Variants in BTAF1 observed in about 807,000 individuals in gnomAD.
The protein encoded by BTAF1 is TATA-binding protein-associated factor 172.
In BTAF1, 38 loss-of-function variants were observed where a neutral mutation model predicts 227.1. The observed-to-expected ratio is 0.17, with a 90% CI of 0.13 to 0.22. The LOEUF (loss-of-function observed/expected upper bound fraction) is 0.22. BTAF1 is among the 10% of genes least tolerant of loss of function. The pLI, the probability that BTAF1 is intolerant of heterozygous loss-of-function variation, is 1.00. For missense variants in BTAF1, 1,598 were observed against 2,204.0 expected, an observed-to-expected ratio of 0.73 and a Z score of 5.51; for synonymous variants, 742 against 751.9, an observed-to-expected ratio of 0.99 and a Z score of 0.21.
intron 1 of BTAF1, among the ~76,000 whole-genome samples, chr10:91,929,954 A>G (rs1021486940): frequency 1.3e-5 from 2 of 152,200 alleles, no homozygotes; most frequent in African/African-American, 4.8e-5. Flanking sequence ...GATAAACTAG[A>G]AAAAGTAGAA....
chr10:91,973,609 T>G lies in BTAF1; in HGVS notation c.1651-6845T>G, dbSNP rs892338817. 1.1e-4 allele frequency among the ~76,000 whole-genome samples: 16 copies of G among 152,116 alleles called. 1 individual carries two copies. Among genetic ancestry groups the G allele is most frequent in the Non-Finnish European group, 2.2e-4 (15 of 68,004 alleles). On this transcript the variant is annotated intron_variant, in intron 14 of 37. Coordinates refer to ENST00000265990, the MANE Select transcript of BTAF1 (RefSeq NM_003972.3). ...GATGAGAGAACTGATAATCAAAGATTAAGAAACTTTCCCGGCCGGGCGCGG... is the reference window on the plus strand; with the variant it reads ...GATGAGAGAACTGATAATCAAAGATGAAGAAACTTTCCCGGCCGGGCGCGG...
chr10:91,937,468 C>T (rs964196422), intron 2 of BTAF1, among the ~76,000 whole-genome samples: 5 of 152,174 alleles, frequency 3.3e-5, no homozygotes, highest in African/African-American at 9.7e-5. Flanking sequence ...CTTCAATACT[C>T]CTTCACTCAT....
At chr10:92,020,917 T>C (rs1314856459) in intron 34 of BTAF1, among the ~76,000 whole-genome samples, 2 of 152,198 alleles carry the variant, frequency 1.3e-5, no homozygotes, top group Non-Finnish European at 2.9e-5. Flanking sequence ...TCTCTTATTT[T>C]AGAGTGTGCT....
In BTAF1 at chr10:92,010,355, C is replaced by T. The variant is rs1712502016; in HGVS notation, c.4104-718C>T. Among the ~76,000 whole-genome samples the T allele has an allele frequency of 3.9e-5, 6 of 152,146 alleles. No homozygotes were observed. In the South Asian group the frequency reaches 1.2e-3, roughly 32 times the overall value. ...AGAAATTCAACTCAATTCTCAGTTT[C>T]AATATTCAGTTCTCAATATTCAATT... On this transcript the variant is annotated intron_variant, in intron 28 of 37. Coordinates refer to ENST00000265990, the MANE Select transcript of BTAF1 (RefSeq NM_003972.3).
intron 25 of BTAF1, among the ~76,000 whole-genome samples, chr10:92,007,254 T>C (rs1849981346): frequency 7.1e-6 from 1 of 140,026 alleles, no homozygotes; most frequent in East Asian, 2.2e-4. Context: ...AGTCTCGCTG[T>C]GTCACCCAGG....
chr10:92,021,473 C>T (rs940893342), intron 34 of BTAF1, among the ~76,000 whole-genome samples: 5 of 151,730 alleles, frequency 3.3e-5, no homozygotes, highest in African/African-American at 9.7e-5. Context: ...AACTATATAA[C>T]GGCCAAAATG....
intron 14 of BTAF1, among the ~76,000 whole-genome samples, chr10:91,979,069 A>G (rs1175077885): frequency 6.6e-6 from 1 of 151,888 alleles, no homozygotes; most frequent in African/African-American, 2.4e-5. Context: ...ACAGGTGAGA[A>G]TATGTACTTC....
intron 20 of BTAF1, among the ~76,000 whole-genome samples, chr10:91,991,265 A>AATATATATATATATATATTTAT (rs375232605): frequency 1.1e-5 from 1 of 90,090 alleles, no homozygotes; most frequent in African/African-American, 3.3e-5. Flanking sequence ...TATAAATATA[A>AATATATATATATATATATTTAT]ATATAAATAT....
In BTAF1 at chr10:92,011,450, T is replaced by C. The variant is rs776431383; in HGVS notation, c.4311+35T>C. 7 of 1,048,738 alleles carry C rather than the reference T, an allele frequency of 6.7e-6. No homozygotes were observed. The South Asian group carries it at 2.6e-4, about 39-fold the overall frequency. The allele number at this position is 1,048,738 out of a possible 1,614,324, so 65.0% of individuals were successfully genotyped here. On this transcript the variant is annotated intron_variant, in intron 30 of 37. Coordinates refer to ENST00000265990, the MANE Select transcript of BTAF1 (RefSeq NM_003972.3). ...TATTATTATTTTTTTTAATTATTTT[T>C]ATTTTTATTTTTCATGTTTGCCAGG...
intron 2 of BTAF1, among the ~76,000 whole-genome samples, chr10:91,938,432 A>G (rs543377056): frequency 6.6e-6 from 1 of 152,222 alleles, no homozygotes; most frequent in South Asian, 2.1e-4. Context: ...TTTTTTAGTT[A>G]ATTTTTGTGT....
At chr10:91,999,400 T>G (rs1461320976) in intron 25 of BTAF1, among the ~76,000 whole-genome samples, 2 of 150,670 alleles carry the variant, frequency 1.3e-5, no homozygotes, top group African/African-American at 4.9e-5. Context: ...TTTCAAGACT[T>G]TTTTTTTTTG....
intron 25 of BTAF1, among the ~76,000 whole-genome samples, chr10:91,998,923 C>T (rs1023600139): frequency 5.9e-5 from 9 of 151,846 alleles, no homozygotes; most frequent in African/African-American, 7.3e-5. Context: ...ATTTGTGGGG[C>T]GTGGTGGCAC....
At chr10:91,951,607 CA>C (rs199807714) in intron 5 of BTAF1, 41 bp downstream of exon 5, 18,479 of 1,535,196 alleles carry the variant, frequency 0.012, 148 homozygotes, top group Non-Finnish European at 0.014. Context: ...AGTAATAATA[CA>C]AAGGGTTTGC....
At chr10:91,999,230 A>C (rs1021622776) in intron 25 of BTAF1, among the ~76,000 whole-genome samples, 5 of 151,578 alleles carry the variant, frequency 3.3e-5, no homozygotes, top group African/African-American at 1.2e-4. Flanking sequence ...TGTTTTCCAA[A>C]GTAACTGTAT....
In BTAF1 at chr10:91,959,766, ATATATT is replaced by A. The variant is rs1405983489; in HGVS notation, c.991-18_991-13del. On this transcript the variant is annotated splice_polypyrimidine_tract_variant and intron_variant, in intron 9 of 37. Transcript: ENST00000265990. The stretch of plus-strand genomic sequence containing the variant: ...TATATATATATATATATATATATAT[ATATATT>A]ATATTTTAACAGATGATTCAGCAGC... The A allele has an allele frequency of 2.0e-5, 12 of 586,578 alleles. No individual in the cohort carries two copies. The highest frequency in any genetic ancestry group is 3.2e-5 in the Non-Finnish European group (12 of 378,502). 36.3% of individuals were successfully genotyped at this position (586,578 alleles called of 1,614,324 possible). A position where few individuals can be genotyped will look rare whatever the true frequency, so the allele number is the denominator to read the frequency against.
chr10:91,976,558 G>C (rs1191806893), intron 14 of BTAF1, among the ~76,000 whole-genome samples: 1 of 152,122 alleles, frequency 6.6e-6, no homozygotes, highest in Non-Finnish European at 1.5e-5. Flanking sequence ...TTATGGTTAT[G>C]AATAATCCCT....
At position 91,953,892 on chromosome 10, in the gene BTAF1, C is replaced by T. The variant is rs745322505; in HGVS notation, c.701+19C>T. 3.1e-6 allele frequency: 5 copies of T among 1,611,668 alleles called. No homozygotes were observed. The African/African-American group carries it at 5.4e-5, about 17-fold the overall frequency. ...AGAAGAGGTAGTAATCTTTTTTTGCCTATTCACTTAAAACAAGAGGGCTCT... is the reference window on the plus strand; with the variant it reads ...AGAAGAGGTAGTAATCTTTTTTTGCTTATTCACTTAAAACAAGAGGGCTCT... On this transcript the variant is annotated intron_variant, in intron 6 of 37. Transcript: ENST00000265990.
chr10:91,972,936 T>G (rs917563193), intron 14 of BTAF1, among the ~76,000 whole-genome samples: 1 of 152,240 alleles, frequency 6.6e-6, no homozygotes, highest in Non-Finnish European at 1.5e-5. Flanking sequence ...ATACACTGTA[T>G]ACAATTCATT....
intron 7 of BTAF1, 73 bp from the exon 8 acceptor site, chr10:91,957,152 T>G: frequency 7.9e-7 from 1 of 1,273,736 alleles, no homozygotes; most frequent in Middle Eastern, 2.5e-4. Flanking sequence ...GAAATAAAAT[T>G]TATTAAGTTA....
Sources: gnomAD v4.1 joint callset for allele counts (sites outside exome capture counted in the v4.1 genomes callset) on GRCh38, gnomAD v4.1.1 for gene constraint, MANE v1.5 for transcripts, NCBI Gene and HGNC (gene_info 2026-07-23, HGNC 2026-07-21) for gene names.